PPARGC1A: variants seen among roughly 807,000 people sequenced by gnomAD.
The protein encoded by PPARGC1A is peroxisome proliferator-activated receptor gamma coactivator 1-alpha.
Under a neutral mutation model 88.7 loss-of-function variants are expected in PPARGC1A, and 25 were observed. The observed-to-expected ratio is 0.28, with a 90% CI of 0.21 to 0.39. The LOEUF (loss-of-function observed/expected upper bound fraction) is 0.39, where lower values mean the gene tolerates loss of function less well. PPARGC1A is among the 10% of genes least tolerant of loss of function. The pLI, the probability that PPARGC1A is intolerant of heterozygous loss-of-function variation, is 1.00. For synonymous variants in PPARGC1A, 363 were observed against 355.6 expected, an observed-to-expected ratio of 1.02 and a Z score of -0.24; for missense variants, 880 against 968.7, an observed-to-expected ratio of 0.91 and a Z score of 1.22.
the PPARGC1A span, among the ~76,000 whole-genome samples, chr4:24,186,941 C>A: frequency 6.6e-6 from 1 of 152,206 alleles, no homozygotes; most frequent in Non-Finnish European, 1.5e-5. Flanking sequence ...CATCTATTTG[C>A]GGAAAAGCTT....
the PPARGC1A span, among the ~76,000 whole-genome samples, chr4:24,004,576 C>A: frequency 1.3e-5 from 2 of 152,160 alleles, no homozygotes; most frequent in African/African-American, 4.8e-5. Context: ...TCTAAGGTGG[C>A]TGCTGATGAT....
the PPARGC1A span, among the ~76,000 whole-genome samples, chr4:23,942,875 A>G: frequency 1.3e-5 from 2 of 152,198 alleles, no homozygotes; most frequent in Non-Finnish European, 2.9e-5. Flanking sequence ...AAATTTTAGC[A>G]CTACAGAAAT....
the PPARGC1A span, among the ~76,000 whole-genome samples, chr4:24,143,896 G>A: frequency 6.6e-6 from 1 of 152,236 alleles, no homozygotes; most frequent in Non-Finnish European, 1.5e-5. Flanking sequence ...GAACCTGGCA[G>A]TCTTACTCCA....
chr4:24,132,938 C>T, the PPARGC1A span, among the ~76,000 whole-genome samples: 1 of 152,072 alleles, frequency 6.6e-6, no homozygotes, highest in South Asian at 2.1e-4. Flanking sequence ...TGTGTGGGTA[C>T]ATGGTAAACA....
At chr4:23,987,453 G>C in the PPARGC1A span, among the ~76,000 whole-genome samples, 25,700 of 151,714 alleles carry the variant, frequency 0.17, 2,302 homozygotes, top group East Asian at 0.27. Flanking sequence ...TGCTTTCCTT[G>C]CCTCTGAGTT....
chr4:24,206,840 T>TAAAAA, the PPARGC1A span, among the ~76,000 whole-genome samples: 3 of 43,680 alleles, frequency 6.9e-5, no homozygotes, highest in Admixed American at 4.1e-4. Context: ...GACTTCACCT[T>TAAAAA]AAAAAAAAAA....
the PPARGC1A span, among the ~76,000 whole-genome samples, chr4:24,208,588 A>T: frequency 6.6e-6 from 1 of 151,494 alleles, no homozygotes; most frequent in Non-Finnish European, 1.5e-5. Context: ...TATATGTCAG[A>T]CTGAACTAGG....
the PPARGC1A span, among the ~76,000 whole-genome samples, chr4:24,242,618 A>C: frequency 6.6e-6 from 1 of 152,300 alleles, no homozygotes; most frequent in South Asian, 2.1e-4. Context: ...TATCTGTCCC[A>C]TAGCCAACCA....
chr4:24,283,991 A>G, the PPARGC1A span, among the ~76,000 whole-genome samples: 4 of 152,120 alleles, frequency 2.6e-5, no homozygotes, highest in Non-Finnish European at 4.4e-5. Flanking sequence ...CTTAAAAGGC[A>G]TACTCAGGCT....
chr4:24,421,313 C>CTTT, the PPARGC1A span, among the ~76,000 whole-genome samples: 4 of 137,560 alleles, frequency 2.9e-5, no homozygotes, highest in East Asian at 2.1e-4. Context: ...GAACAGTTCA[C>CTTT]TTTTTTTTTT....
chr4:24,413,219 A>G, the PPARGC1A span, among the ~76,000 whole-genome samples: 1 of 149,378 alleles, frequency 6.7e-6, no homozygotes, highest in Non-Finnish European at 1.5e-5. Context: ...AAGGGAGCTA[A>G]GCAGCATCCT....
the PPARGC1A span, among the ~76,000 whole-genome samples, chr4:24,301,082 T>C: frequency 6.6e-6 from 1 of 152,180 alleles, no homozygotes; most frequent in African/African-American, 2.4e-5. Flanking sequence ...TAAGCCAAAA[T>C]GTATTTGCTA....
the PPARGC1A span, among the ~76,000 whole-genome samples, chr4:24,184,606 C>T: frequency 5.3e-5 from 8 of 152,308 alleles, no homozygotes; most frequent in Admixed American, 5.2e-4. Context: ...GGTGTCCATC[C>T]TCTGGGCCCA....
the PPARGC1A span, among the ~76,000 whole-genome samples, chr4:24,114,959 A>C: frequency 2.0e-5 from 3 of 152,192 alleles, no homozygotes; most frequent in African/African-American, 7.2e-5. Flanking sequence ...ACTTTAAGAA[A>C]CCAAAATGTC....
chr4:24,275,405 A>C, the PPARGC1A span, among the ~76,000 whole-genome samples: 1 of 152,238 alleles, frequency 6.6e-6, no homozygotes, highest in African/African-American at 2.4e-5. Flanking sequence ...TTATAATCTA[A>C]TACCCCAGTT....
the PPARGC1A span, among the ~76,000 whole-genome samples, chr4:24,205,410 T>C: frequency 6.6e-6 from 1 of 151,448 alleles, no homozygotes; most frequent in Non-Finnish European, 1.5e-5. Context: ...ATCAAGAGAG[T>C]CAAGACCAGA....
chr4:24,224,978 G>T, the PPARGC1A span, among the ~76,000 whole-genome samples: 3 of 152,132 alleles, frequency 2.0e-5, no homozygotes, highest in African/African-American at 7.2e-5. Flanking sequence ...AGCATGTCAC[G>T]CATGTTCAAA....
At chr4:24,254,577 C>T in the PPARGC1A span, among the ~76,000 whole-genome samples, 2 of 152,220 alleles carry the variant, frequency 1.3e-5, no homozygotes, top group African/African-American at 4.8e-5. Context: ...CTTAATTTCA[C>T]CTTGTCTAAA....
intron 12 of PPARGC1A, among the ~76,000 whole-genome samples, chr4:23,796,754 G>T (rs528270791): frequency 3.5e-4 from 53 of 152,138 alleles, no homozygotes; most frequent in Non-Finnish European, 6.3e-4. Flanking sequence ...ACAAAGGGGG[G>T]CTTGGAAATA....
Sources: gnomAD v4.1 joint callset for allele counts (sites outside exome capture counted in the v4.1 genomes callset) on GRCh38, gnomAD v4.1.1 for gene constraint, MANE v1.5 for transcripts, NCBI Gene and HGNC (gene_info 2026-07-23, HGNC 2026-07-21) for gene names.